The following PLEKHG1 variants were observed in gnomAD, a reference collection of about 807,000 sequenced individuals.
The protein encoded by PLEKHG1 is pleckstrin homology and RhoGEF domain containing G1.
Under a neutral mutation model 100.8 loss-of-function variants are expected in PLEKHG1, and 44 were observed. The observed-to-expected ratio is 0.44, with a 90% CI of 0.34 to 0.56. PLEKHG1 has a LOEUF of 0.56. Ranked by LOEUF, PLEKHG1 falls within the 20% of genes least tolerant of loss-of-function variation. PLEKHG1 has a pLI of 0.01. For synonymous variants in PLEKHG1, 640 were observed against 662.5 expected (o/e 0.97, Z 0.52); for missense variants, 1,545 against 1,720.9 (o/e 0.90, Z 1.81).
chr6:150,826,791 C>T (rs1326438573), intron 14 of PLEKHG1, among the ~76,000 whole-genome samples: 3 of 152,076 alleles, frequency 2.0e-5, no homozygotes, highest in South Asian at 2.1e-4. Flanking sequence ...TACAGTCATG[C>T]GCCACCACGC....
chr6:150,779,344 G>GTTTTTTTTT (rs71554482), intron 3 of PLEKHG1, among the ~76,000 whole-genome samples: 5 of 104,536 alleles, frequency 4.8e-5, no homozygotes, highest in African/African-American at 1.7e-4. Context: ...TTGTCAAGAA[G>GTTTTTTTTT]TTTTTTTTTT....
chr6:150,823,916 T>G (rs1326525823), intron 14 of PLEKHG1, among the ~76,000 whole-genome samples: 2 of 152,220 alleles, frequency 1.3e-5, no homozygotes, highest in Non-Finnish European at 2.9e-5. Context: ...TATTTATTCA[T>G]CCTCTGCCCC....
At chr6:150,809,245 G>C (rs148074221) in exon 8 of PLEKHG1, 1 of 1,614,052 alleles carries the variant, frequency 6.2e-7, no homozygotes, top group Non-Finnish European at 8.5e-7. Context: ...TGCTCATCAC[G>C]AAGAAGAGAG....
chr6:150,603,094 T>TAAAAAA lies in PLEKHG1; in HGVS notation c.-204+3081_-204+3086dup, dbSNP rs1456634355. 1.7e-5 allele frequency among the ~76,000 whole-genome samples: 2 copies of TAAAAAA among 118,146 alleles called. 1 individual carries two copies. The allele number at this position is 118,146 out of a possible 152,430, so 77.5% of individuals were successfully genotyped here. ...GACTCCGTCTCAAAAAAAAAAAAAA[T>TAAAAAA]AAAAAAAAAGAAAAGAAAAAATTAT... On this transcript the variant is annotated intron_variant, in intron 1 of 3. Coordinates refer to the PLEKHG1 transcript ENST00000367326.
At chr6:150,838,931 G>A (rs1170508607) in intron 15 of PLEKHG1, among the ~76,000 whole-genome samples, 1 of 152,158 alleles carries the variant, frequency 6.6e-6, no homozygotes, top group Non-Finnish European at 1.5e-5. Context: ...GCACTTGAGG[G>A]GAGAACTTTA....
Position 150,836,870 on chromosome 6 carries a change from T to C in PLEKHG1, c.3095-2963T>C, listed in dbSNP as rs188330447. On this transcript the variant is annotated intron_variant, in intron 15 of 15. Coordinates refer to ENST00000358517, the Ensembl canonical transcript of PLEKHG1. ...AAGCTCAGGGACTAATAAAGTAACT[T>C]ACATAAAATGGCCAGGTGCAGTGAC... 3.0e-4 allele frequency among the ~76,000 whole-genome samples: 46 copies of C among 151,130 alleles called. No homozygotes were observed. In the East Asian group the frequency reaches 8.4e-3, roughly 28 times the overall value.
At chr6:150,609,329 G>T (rs1460508478) in intron 1 of PLEKHG1, among the ~76,000 whole-genome samples, 1 of 152,190 alleles carries the variant, frequency 6.6e-6, no homozygotes, top group Admixed American at 6.5e-5. Flanking sequence ...TATTTGCTTG[G>T]GTGGTCAGAA....
At chr6:150,784,831 A>G (rs1785519494) in intron 3 of PLEKHG1, among the ~76,000 whole-genome samples, 1 of 152,208 alleles carries the variant, frequency 6.6e-6, no homozygotes, top group Non-Finnish European at 1.5e-5. Context: ...AAATGAAATC[A>G]TAGTATACTC....
intron 1 of PLEKHG1, among the ~76,000 whole-genome samples, chr6:150,622,938 A>G (rs926661619): frequency 1.3e-5 from 2 of 152,052 alleles, no homozygotes; most frequent in African/African-American, 2.4e-5. Context: ...GGTCAACTGC[A>G]TTGTTTGAGC....
chr6:150,603,927 C>T (rs776893862), intron 1 of PLEKHG1, among the ~76,000 whole-genome samples: 21 of 152,150 alleles, frequency 1.4e-4, no homozygotes, highest in Non-Finnish European at 2.2e-4. Flanking sequence ...TCTACACCCA[C>T]TTGTAATAAC....
intron 15 of PLEKHG1, among the ~76,000 whole-genome samples, chr6:150,837,666 C>T (rs1308244579): frequency 6.6e-6 from 1 of 152,236 alleles, no homozygotes; most frequent in Non-Finnish European, 1.5e-5. Context: ...TTGAGCAGAC[C>T]ATCTGCCTTT....
chr6:150,731,582 A>G (rs1782262431), intron 1 of PLEKHG1, among the ~76,000 whole-genome samples: 1 of 152,206 alleles, frequency 6.6e-6, no homozygotes, highest in South Asian at 2.1e-4. Flanking sequence ...TTACATTACT[A>G]TTGAAAAATG....
chr6:150,711,869 G>A (rs1272548766), intron 3 of PLEKHG1, among the ~76,000 whole-genome samples: 1 of 152,128 alleles, frequency 6.6e-6, no homozygotes, highest in Non-Finnish European at 1.5e-5. Context: ...CATTGACCTG[G>A]ATCAAGCAGG....
At chr6:150,619,429 A>T (rs1777202586) in intron 1 of PLEKHG1, among the ~76,000 whole-genome samples, 1 of 152,204 alleles carries the variant, frequency 6.6e-6, no homozygotes, top group South Asian at 2.1e-4. Flanking sequence ...GATGTCCATC[A>T]TCCAGCTCAG....
intron 3 of PLEKHG1, among the ~76,000 whole-genome samples, chr6:150,777,560 A>G (rs1325664080): frequency 2.6e-4 from 37 of 145,004 alleles, no homozygotes; most frequent in African/African-American, 8.8e-4. Flanking sequence ...CACTGATGCA[A>G]TCCTGGTGTA....
intron 2 of PLEKHG1, among the ~76,000 whole-genome samples, chr6:150,737,374 C>A (rs1191449307): frequency 6.7e-6 from 1 of 150,154 alleles, no homozygotes; most frequent in Non-Finnish European, 1.5e-5. Context: ...TCACTGCAAG[C>A]TCCGCTTCCC....
intron 15 of PLEKHG1, among the ~76,000 whole-genome samples, chr6:150,838,895 A>C (rs550222962): frequency 6.6e-6 from 1 of 152,162 alleles, no homozygotes; most frequent in South Asian, 2.1e-4. Flanking sequence ...ATGAGATGTG[A>C]GTTAGTCAAT....
At chr6:150,722,215 A>G (rs1583002822) in intron 1 of PLEKHG1, among the ~76,000 whole-genome samples, 1 of 152,088 alleles carries the variant, frequency 6.6e-6, no homozygotes, top group East Asian at 1.9e-4. Flanking sequence ...ACCATTTTCT[A>G]TACTTTTAAA....
rs1562511450 is a variant in PLEKHG1, at chr6:150,779,351, T to TTTTTTTTTTG, written c.513-7030_513-7029insGTTTTTTTTT. Among the ~76,000 whole-genome samples the TTTTTTTTTTG allele has an allele frequency of 1.1e-3, 157 of 146,426 alleles. 6 individuals carry two copies. The highest frequency in any genetic ancestry group is 3.9e-3 in the African/African-American group (149 of 37,958). ...GTTAAATATTGTCAAGAAGTTTTTT[T>TTTTTTTTTTG]TTTTTTTTTTTTGAGACAGAGTCTC... On this transcript the variant is annotated intron_variant, in intron 3 of 15. Coordinates refer to ENST00000358517, the Ensembl canonical transcript of PLEKHG1.
Sources: allele counts gnomAD v4.1 joint callset (sites outside exome capture counted in the v4.1 genomes callset), GRCh38; gene constraint gnomAD v4.1.1; transcripts MANE v1.5; gene names NCBI Gene and HGNC (gene_info 2026-07-23, HGNC 2026-07-21).